The following FBXO25 variants were observed in gnomAD, a reference collection of about 807,000 sequenced individuals.
The protein encoded by FBXO25 is F-box protein 25.
Under a neutral mutation model 51.9 loss-of-function variants are expected in FBXO25, and 45 were observed. That is an observed-to-expected ratio of 0.87 (90% CI 0.68 to 1.11). FBXO25 has a LOEUF of 1.11. Among genes scored for constraint, FBXO25 ranks in the 50% most tolerant of loss-of-function variants. The probability of loss-of-function intolerance (pLI) is 0.00; values close to 1 mark genes in which losing one functional copy is unlikely to be tolerated. For missense variants in FBXO25, 507 were observed against 428.5 expected (o/e 1.18, Z -1.62); for synonymous variants, 199 against 151.0 (o/e 1.32, Z -2.33).
chr8:444,707 G>T (rs1310055944), intron 5 of FBXO25, among the ~76,000 whole-genome samples: 4 of 152,200 alleles, frequency 2.6e-5, no homozygotes, highest in Non-Finnish European at 4.4e-5. Context: ...GACCGACCGC[G>T]TGTAGTGTCG....
chr8:417,766 G>T (rs35004834), intron 2 of FBXO25, among the ~76,000 whole-genome samples: 17,391 of 152,190 alleles, frequency 0.11, 1,055 homozygotes, highest in South Asian at 0.17. Flanking sequence ...TTCATTATAA[G>T]GATGGCATTT....
chr8:412,781 C>G (rs1485423265), intron 1 of FBXO25, among the ~76,000 whole-genome samples: 2 of 152,186 alleles, frequency 1.3e-5, no homozygotes, highest in African/African-American at 2.4e-5. Context: ...CTATTCCACA[C>G]TCCCTGACCC....
intron 8 of FBXO25, among the ~76,000 whole-genome samples, chr8:459,095 C>T (rs536012136): frequency 3.0e-4 from 46 of 152,314 alleles, no homozygotes; most frequent in African/African-American, 8.4e-4. Flanking sequence ...TCCTCATCCA[C>T]GATGAGACCC....
chr8:465,283 CAG>C (rs1800081892), intron 9 of FBXO25, among the ~76,000 whole-genome samples: 1 of 152,188 alleles, frequency 6.6e-6, no homozygotes, highest in Admixed American at 6.5e-5. Context: ...TCTTCAGTCA[CAG>C]AGTAAGAGTG....
chr8:433,715 T>G (rs1443258435), intron 4 of FBXO25, among the ~76,000 whole-genome samples: 1 of 152,174 alleles, frequency 6.6e-6, no homozygotes, highest in Non-Finnish European at 1.5e-5. Context: ...GGAAAATAAT[T>G]TAGGGAATTA....
rs1800626445 is a variant in FBXO25 at position 475,872 on chromosome 8, A to G, written c.*7068A>G. 1 of 152,024 alleles carries G rather than the reference A, an allele frequency of 6.6e-6. No homozygotes were observed. The highest frequency in any genetic ancestry group is 1.5e-5 in the Non-Finnish European group (1 of 67,992). The allele number at this position is 152,024 out of a possible 1,614,324, so 9.4% of individuals were successfully genotyped here. The stretch of plus-strand genomic sequence containing the variant: ...TTTTGCTTCTTCCTTTCCAGTCTGG[A>G]TGCCTTTTATTTCTTTTTCTTGCCT... On this transcript the variant is annotated 3_prime_UTR_variant, in exon 10 of 10. Coordinates refer to ENST00000350302, the MANE Select transcript of FBXO25 (RefSeq NM_183420.2).
chr8:450,398 TAGC>T (rs896978232), intron 6 of FBXO25, among the ~76,000 whole-genome samples: 4 of 152,220 alleles, frequency 2.6e-5, no homozygotes, highest in African/African-American at 9.6e-5. Context: ...CTTCCAAAAT[TAGC>T]AGGATTGTGA....
intron 2 of FBXO25, among the ~76,000 whole-genome samples, chr8:429,187 A>G (rs1200479005): frequency 6.6e-6 from 1 of 151,934 alleles, no homozygotes; most frequent in Non-Finnish European, 1.5e-5. Flanking sequence ...GTTTCCCCAC[A>G]TGCATGTCAA....
intron 9 of FBXO25, among the ~76,000 whole-genome samples, chr8:465,419 A>G (rs1266032512): frequency 6.6e-6 from 1 of 152,230 alleles, no homozygotes; most frequent in African/African-American, 2.4e-5. Flanking sequence ...TTTATAGGGA[A>G]AATACCATTC....
chr8:452,287 C>G (rs992032383), intron 7 of FBXO25, among the ~76,000 whole-genome samples: 3 of 152,194 alleles, frequency 2.0e-5, no homozygotes, highest in Non-Finnish European at 2.9e-5. Context: ...ATGTAACATT[C>G]AGCGTCAGTA....
chr8:447,473 G>GA (rs1798811338), intron 5 of FBXO25, among the ~76,000 whole-genome samples: 3 of 152,076 alleles, frequency 2.0e-5, no homozygotes, highest in East Asian at 1.9e-4. Flanking sequence ...CATCATAAAT[G>GA]AAAAAAACAG....
chr8:422,423 A>G (rs188159906), intron 2 of FBXO25, among the ~76,000 whole-genome samples: 4 of 152,220 alleles, frequency 2.6e-5, no homozygotes, highest in African/African-American at 9.6e-5. Context: ...CTCTTCTGGC[A>G]TGGGGGGCCA....
At position 476,895 on chromosome 8, in the gene FBXO25, GTTGAC is replaced by G. The variant is rs1193602481; in HGVS notation, c.*8096_*8100del. On this transcript the variant is annotated 3_prime_UTR_variant, in exon 10 of 10. Transcript: ENST00000350302. ...TAGTTCTTTCAGATGTAAATTTAGG[GTTGAC>G]TTGAGATCTTAATTTGTTTAATAGG... 2.0e-5 allele frequency: 3 copies of G among 152,098 alleles called. No individual in the cohort carries two copies. Among genetic ancestry groups the G allele is most frequent in the Admixed American group, 2.0e-4 (3 of 15,286 alleles). 9.4% of individuals were successfully genotyped at this position (152,098 alleles called of 1,614,324 possible). A position where few individuals can be genotyped will look rare whatever the true frequency, so the allele number is the denominator to read the frequency against.
At chr8:424,805 G>C (rs1192851539) in intron 2 of FBXO25, among the ~76,000 whole-genome samples, 1 of 152,044 alleles carries the variant, frequency 6.6e-6, no homozygotes, top group East Asian at 1.9e-4. Context: ...TGATGCCTCT[G>C]GCTTTGTTCT....
At chr8:421,193 T>C (rs1295721381) in intron 2 of FBXO25, among the ~76,000 whole-genome samples, 18 of 152,322 alleles carry the variant, frequency 1.2e-4, no homozygotes, top group African/African-American at 3.6e-4. Context: ...GTGAATGATC[T>C]AGGTTGCTCA....
At position 475,705 on chromosome 8, in the gene FBXO25, G is replaced by A. The variant is rs951469632; in HGVS notation, c.*6901G>A. On this transcript the variant is annotated 3_prime_UTR_variant, in exon 10 of 10. Coordinates refer to ENST00000350302, the MANE Select transcript of FBXO25 (RefSeq NM_183420.2). ...ATGGAATTTTCTTAAATTTCCTTTT[G>A]AGATTGCTTGTTATTGTATAGAAAT... 6 of 152,046 alleles carry A rather than the reference G, an allele frequency of 3.9e-5. No homozygotes were observed. The highest frequency in any genetic ancestry group is 1.4e-4 in the African/African-American group (6 of 41,390). The allele number at this position is 152,046 out of a possible 1,614,324, so 9.4% of individuals were successfully genotyped here.
rs778596767 is a variant in FBXO25, at chr8:463,090, G to C, written c.927G>C (p.Ala309=). ...MYFALQKHYP[A]KEQYGDTLHF... is the part of the protein sequence containing the mutation. ...TTGCACTTCAGAAACATTACCCAGC[G>C]AAGGAGCAGTACGGAGACACACTGC... is the stretch of plus-strand genomic sequence containing the variant. The change falls in exon 9 of 10, where the codon GCG becomes GCC. Residue 309 remains alanine, a synonymous_variant. Transcript: ENST00000350302. 2.5e-6 allele frequency: 4 copies of C among 1,613,996 alleles called. No homozygotes were observed. The South Asian group carries it at 3.3e-5, about 13-fold the overall frequency.
chr8:422,709 C>G (rs190121135), intron 2 of FBXO25, among the ~76,000 whole-genome samples: 1 of 152,260 alleles, frequency 6.6e-6, no homozygotes, highest in African/African-American at 2.4e-5. Flanking sequence ...ATAGGCAAGC[C>G]AGAGGCATCA....
At chr8:452,359 C>A (rs751821601) in intron 7 of FBXO25, among the ~76,000 whole-genome samples, 11 of 152,090 alleles carry the variant, frequency 7.2e-5, no homozygotes, top group Non-Finnish European at 1.5e-4. Context: ...TTGGTGTGAC[C>A]CTACAGTCAT....
Sources: allele counts gnomAD v4.1 joint callset (sites outside exome capture counted in the v4.1 genomes callset), GRCh38; gene constraint gnomAD v4.1.1; transcripts MANE v1.5; gene names NCBI Gene and HGNC (gene_info 2026-07-23, HGNC 2026-07-21).